PREP: variants seen among roughly 807,000 people sequenced by gnomAD.
The protein encoded by PREP is prolyl endopeptidase, also known as dJ355L5.1 (prolyl endopeptidase).
PREP carries 29 observed loss-of-function variants against 87.6 expected under a neutral mutation model. The observed-to-expected ratio is 0.33, with a 90% confidence interval of 0.25 to 0.45. The LOEUF is 0.45. Among genes scored for constraint, PREP ranks in the 20% least tolerant of loss-of-function variants. The pLI, the probability that PREP is intolerant of heterozygous loss-of-function variation, is 1.00. For synonymous variants in PREP, 337 were observed against 328.6 expected (o/e 1.03, Z -0.28); for missense variants, 695 against 886.5 (o/e 0.78, Z 2.74).
At position 105,274,620 on chromosome 6, in the gene PREP, T is replaced by G. The variant is rs1484700311; in HGVS notation, c.*3524A>C. Among the ~76,000 whole-genome samples, 2 of 151,970 alleles carry G rather than the reference T, an allele frequency of 1.3e-5. No homozygotes were observed. The highest frequency in any genetic ancestry group is 4.8e-5 in the African/African-American group (2 of 41,366). On this transcript the variant is annotated 3_prime_UTR_variant, in exon 15 of 15. Coordinates refer to ENST00000652536, the MANE Select transcript of PREP (RefSeq NM_002726.5). ...ATCTCTACTAAAAATACAAAAAGAT[T>G]AGCCGGGAATGATGGTATGCGCCTG...
At chr6:105,401,521 G>T (rs1773429537) in intron 1 of PREP, among the ~76,000 whole-genome samples, 2 of 152,232 alleles carry the variant, frequency 1.3e-5, no homozygotes, top group Admixed American at 6.5e-5. Flanking sequence ...CCTAACTAGT[G>T]AATGACAGAA....
At chr6:105,362,575 T>C (rs2400108) in intron 6 of PREP, among the ~76,000 whole-genome samples, 45,430 of 152,130 alleles carry the variant, frequency 0.3, 10,309 homozygotes, top group African/African-American at 0.65. Flanking sequence ...ACAACTCTCT[T>C]CTGCAGGATT....
At chr6:105,346,118 A>G (rs1053283800) in intron 7 of PREP, among the ~76,000 whole-genome samples, 9 of 152,170 alleles carry the variant, frequency 5.9e-5, no homozygotes, top group Admixed American at 4.6e-4. Flanking sequence ...GATTTCCTAC[A>G]AACTCCCTGT....
At position 105,333,393 on chromosome 6, in the gene PREP, G is replaced by A. The variant is rs147800201; in HGVS notation, c.936C>T (p.Arg312=). 126 of 1,614,010 alleles carry A rather than the reference G, an allele frequency of 7.8e-5. 1 individual carries two copies. Among genetic ancestry groups the A allele is most frequent in the Non-Finnish European group, 1.0e-4 (121 of 1,179,996 alleles). ...GATCCCTGAAGTCAATGTTGATCACGCGATAGTTGGGAGACTGGCGATTCG... is the reference window on the plus strand; with the variant it reads ...GATCCCTGAAGTCAATGTTGATCACACGATAGTTGGGAGACTGGCGATTCG... The part of the protein sequence containing the change: ...FKTNRQSPNY[R]VINIDFRDPE... Residue 312 remains arginine (R), a synonymous_variant, in exon 8 of 15, where the codon CGC becomes CGT. Coordinates refer to ENST00000652536, the MANE Select transcript of PREP (RefSeq NM_002726.5).
chr6:105,382,439 T>C (rs961732784), intron 2 of PREP, among the ~76,000 whole-genome samples: 6 of 152,142 alleles, frequency 3.9e-5, no homozygotes, highest in African/African-American at 7.2e-5. Context: ...ATTTGAAAAA[T>C]TGACTTACGA....
At chr6:105,322,520 G>A (rs1771038600) in intron 10 of PREP, 2 of 985,810 alleles carry the variant, frequency 2.0e-6, no homozygotes, top group African/African-American at 1.7e-5. Flanking sequence ...TATCAAGAAT[G>A]TTGTACTTTT....
chr6:105,384,102 T>C (rs964418930), intron 2 of PREP, among the ~76,000 whole-genome samples: 1 of 152,288 alleles, frequency 6.6e-6, no homozygotes, highest in Admixed American at 6.5e-5. Context: ...TGGTGCCATA[T>C]GAAGTCCCAC....
intron 10 of PREP, among the ~76,000 whole-genome samples, chr6:105,291,864 G>C (rs143488090): frequency 1.2e-3 from 184 of 152,292 alleles, no homozygotes; most frequent in Middle Eastern, 6.8e-3. Flanking sequence ...AACCTTTGTT[G>C]TCATTTTAAC....
At chr6:105,389,362 C>T (rs1562227702) in intron 2 of PREP, among the ~76,000 whole-genome samples, 1 of 152,156 alleles carries the variant, frequency 6.6e-6, no homozygotes, top group Non-Finnish European at 1.5e-5. Context: ...CCAAAGACTG[C>T]AATTTGTATC....
At chr6:105,346,811 T>C (rs1175125924) in intron 7 of PREP, among the ~76,000 whole-genome samples, 2 of 152,224 alleles carry the variant, frequency 1.3e-5, no homozygotes, top group Non-Finnish European at 2.9e-5. Flanking sequence ...TAATTAACTT[T>C]AAATGTAGGT....
chr6:105,389,208 T>C (rs1208405846), intron 2 of PREP, among the ~76,000 whole-genome samples: 1 of 152,236 alleles, frequency 6.6e-6, no homozygotes, highest in Non-Finnish European at 1.5e-5. Context: ...TTGCTGTATA[T>C]GGATTTTTAC....
intron 7 of PREP, among the ~76,000 whole-genome samples, chr6:105,344,270 T>A (rs1347380210): frequency 6.6e-6 from 1 of 152,018 alleles, no homozygotes; most frequent in Non-Finnish European, 1.5e-5. Flanking sequence ...GGCAGGCGGA[T>A]CATGAGGTCA....
At chr6:105,322,981 A>G in intron 10 of PREP, 1 of 1,300,348 alleles carries the variant, frequency 7.7e-7, no homozygotes, top group Non-Finnish European at 1.0e-6. Context: ...CCAGCCCTCC[A>G]GGTGGGAGGG....
At chr6:105,314,254 T>C (rs1305024039) in intron 10 of PREP, among the ~76,000 whole-genome samples, 2 of 152,200 alleles carry the variant, frequency 1.3e-5, no homozygotes, top group South Asian at 2.1e-4. Context: ...CTGCTGATGA[T>C]TGGGATGGTG....
Position 105,277,910 on chromosome 6 carries a change from A to AACAC in PREP, c.*230_*233dup. The stretch of plus-strand genomic sequence containing the variant: ...TTTATCCCAACATGCCCTTAAAAAA[A>AACAC]ACACCAAAAAACCACATGTGCCTAG... On this transcript the variant is annotated 3_prime_UTR_variant, in exon 15 of 15. Transcript: ENST00000652536. The AACAC allele has an allele frequency of 1.7e-6, 1 of 582,598 alleles. No homozygotes were observed. The highest frequency in any genetic ancestry group is 3.4e-5 in the Admixed American group (1 of 29,240). The allele number at this position is 582,598 out of a possible 1,614,324, so 36.1% of individuals were successfully genotyped here.
chr6:105,328,253 T>C (rs894854474), intron 9 of PREP, among the ~76,000 whole-genome samples: 1 of 151,710 alleles, frequency 6.6e-6, no homozygotes, highest in Non-Finnish European at 1.5e-5. Flanking sequence ...GTTGTATTCA[T>C]TGGTACTAAT....
intron 7 of PREP, among the ~76,000 whole-genome samples, chr6:105,349,125 A>C (rs1771876022): frequency 6.6e-6 from 1 of 152,186 alleles, no homozygotes; most frequent in African/African-American, 2.4e-5. Flanking sequence ...GAGTCATGGA[A>C]ATTACCTGTT....
At chr6:105,314,668 A>C (rs1770824649) in intron 10 of PREP, among the ~76,000 whole-genome samples, 1 of 152,228 alleles carries the variant, frequency 6.6e-6, no homozygotes, top group South Asian at 2.1e-4. Flanking sequence ...CCACATCTGC[A>C]GTGACTTCCC....
At chr6:105,372,508 T>C (rs1056543652) in intron 5 of PREP, among the ~76,000 whole-genome samples, 17 of 152,152 alleles carry the variant, frequency 1.1e-4, no homozygotes, top group African/African-American at 4.1e-4. Flanking sequence ...ACAAGGTACA[T>C]AGCCCTTCCT....
Sources: allele counts gnomAD v4.1 joint callset (sites outside exome capture counted in the v4.1 genomes callset), GRCh38; gene constraint gnomAD v4.1.1; transcripts MANE v1.5; gene names NCBI Gene and HGNC (gene_info 2026-07-23, HGNC 2026-07-21).